WWOX: variants seen among roughly 807,000 people sequenced by gnomAD.
The protein encoded by WWOX is WW domain containing oxidoreductase, also known as WW domain-containing oxidoreductase.
Under a neutral mutation model 46.2 loss-of-function variants are expected in WWOX, and 69 were observed. The ratio of observed to expected loss-of-function variants is 1.49; its 90% CI spans 1.23 to 1.82. The LOEUF (loss-of-function observed/expected upper bound fraction) is 1.82. WWOX is among the 40% of genes most tolerant of loss of function. The pLI, the probability that WWOX is intolerant of heterozygous loss-of-function variation, is 0.00. For synonymous variants in WWOX, 359 were observed against 202.6 expected (o/e 1.77, Z -6.56); for missense variants, 919 against 542.6 (o/e 1.69, Z -6.89).
chr16:78,936,094 T>C (rs1316577256), intron 8 of WWOX, among the ~76,000 whole-genome samples: 2 of 151,972 alleles, frequency 1.3e-5, no homozygotes, highest in South Asian at 2.1e-4. Flanking sequence ...TTGGTTGTGA[T>C]TGAAAGGAAA....
At chr16:78,151,957 G>A (rs1395179851) in intron 4 of WWOX, among the ~76,000 whole-genome samples, 1 of 152,146 alleles carries the variant, frequency 6.6e-6, no homozygotes, top group Non-Finnish European at 1.5e-5. Flanking sequence ...TTGGGAGGCC[G>A]AGGCGGGCAG....
At chr16:78,593,215 T>G (rs527450967) in intron 8 of WWOX, among the ~76,000 whole-genome samples, 349 of 151,868 alleles carry the variant, frequency 2.3e-3, no homozygotes, top group Middle Eastern at 0.01. Context: ...TGATTTTTTT[T>G]TTATGTGTAT....
chr16:79,149,085 G>A (rs1234578357), intron 8 of WWOX, among the ~76,000 whole-genome samples: 1 of 152,156 alleles, frequency 6.6e-6, no homozygotes, highest in African/African-American at 2.4e-5. Flanking sequence ...CAAGAGTAGT[G>A]AGAACATCCT....
At chr16:78,873,743 T>G (rs553458971) in intron 8 of WWOX, among the ~76,000 whole-genome samples, 2 of 152,280 alleles carry the variant, frequency 1.3e-5, no homozygotes, top group South Asian at 4.1e-4. Context: ...GAGCTGTTAT[T>G]GTACCACTGT....
intron 8 of WWOX, among the ~76,000 whole-genome samples, chr16:78,640,049 A>T (rs144111246): frequency 0.018 from 2,700 of 152,210 alleles, 230 homozygotes; most frequent in Admixed American, 0.15. Context: ...ACACAGCAAC[A>T]CCAGGCAGAT....
chr16:78,922,138 G>A (rs977696222), intron 8 of WWOX, among the ~76,000 whole-genome samples: 1 of 152,124 alleles, frequency 6.6e-6, no homozygotes, highest in African/African-American at 2.4e-5. Flanking sequence ...GCGTAGGTGT[G>A]ATTGGGTGAT....
chr16:78,356,769 C>G (rs773280064), intron 5 of WWOX, among the ~76,000 whole-genome samples: 1 of 152,016 alleles, frequency 6.6e-6, no homozygotes, highest in African/African-American at 2.4e-5. Context: ...GTAATCCCAG[C>G]GACTCGGGAG....
chr16:78,920,378 G>A (rs1478353779), intron 8 of WWOX, among the ~76,000 whole-genome samples: 1 of 152,172 alleles, frequency 6.6e-6, no homozygotes. Flanking sequence ...CAGATGTGAT[G>A]CTTTCCTCCT....
At chr16:78,440,425 G>C (rs1193637998) in intron 8 of WWOX, among the ~76,000 whole-genome samples, 1 of 152,048 alleles carries the variant, frequency 6.6e-6, no homozygotes, top group Non-Finnish European at 1.5e-5. Context: ...CACACGTCAA[G>C]GAAGCAGTTT....
At chr16:78,325,205 C>T (rs2080585720) in intron 5 of WWOX, among the ~76,000 whole-genome samples, 1 of 152,226 alleles carries the variant, frequency 6.6e-6, no homozygotes, top group Admixed American at 6.5e-5. Context: ...CAAATGTTTA[C>T]AAGCTCTAAT....
intron 8 of WWOX, among the ~76,000 whole-genome samples, chr16:78,780,984 C>G (rs778161904): frequency 1.3e-5 from 2 of 152,172 alleles, no homozygotes; most frequent in East Asian, 1.9e-4. Flanking sequence ...AGCCTGCAGA[C>G]TGGTGTGGCC....
At chr16:78,636,702 A>G (rs534911283) in intron 8 of WWOX, among the ~76,000 whole-genome samples, 2 of 152,302 alleles carry the variant, frequency 1.3e-5, no homozygotes, top group African/African-American at 4.8e-5. Context: ...AGGTGTGTGA[A>G]CAAAAACAGG....
chr16:79,059,729 A>T (rs1443944675), intron 8 of WWOX, among the ~76,000 whole-genome samples: 1 of 152,180 alleles, frequency 6.6e-6, no homozygotes, highest in Non-Finnish European at 1.5e-5. Context: ...TTTTACTAAG[A>T]AATTTGGAGG....
At position 78,651,587 on chromosome 16, in the gene WWOX, G is replaced by A. The variant is rs78217264; in HGVS notation, c.1056+218835G>A. Among the ~76,000 whole-genome samples, 166 of 152,248 alleles carry A rather than the reference G, an allele frequency of 1.1e-3. 2 individuals are homozygous for A. The East Asian group carries it at 0.023, about 21-fold the overall frequency. ...GCCTTTACCTGTTCCATGCTTAGCCGTTCCTGCTTTTTGCCTAGAACCTCA... is the reference window on the plus strand; with the variant it reads ...GCCTTTACCTGTTCCATGCTTAGCCATTCCTGCTTTTTGCCTAGAACCTCA... On this transcript the variant is annotated intron_variant, in intron 8 of 8. Coordinates refer to ENST00000566780, the MANE Select transcript of WWOX (RefSeq NM_016373.4).
chr16:78,522,662 T>A (rs1175662613), intron 8 of WWOX, among the ~76,000 whole-genome samples: 1 of 152,242 alleles, frequency 6.6e-6, no homozygotes, highest in African/African-American at 2.4e-5. Flanking sequence ...AATAAGTAAT[T>A]GAGCAGATGA....
intron 8 of WWOX, among the ~76,000 whole-genome samples, chr16:78,925,698 G>C (rs2045481906): frequency 6.6e-6 from 1 of 152,206 alleles, no homozygotes; most frequent in Admixed American, 6.5e-5. Flanking sequence ...GATTTGAGAA[G>C]GGAAGTCTCC....
At chr16:79,073,043 C>T (rs933434875) in intron 8 of WWOX, among the ~76,000 whole-genome samples, 1 of 152,074 alleles carries the variant, frequency 6.6e-6, no homozygotes, top group African/African-American at 2.4e-5. Context: ...GTGTGCTAGC[C>T]TCAGTGAGAG....
At chr16:78,519,608 A>C (rs2043306969) in intron 8 of WWOX, among the ~76,000 whole-genome samples, 1 of 152,064 alleles carries the variant, frequency 6.6e-6, no homozygotes, top group Non-Finnish European at 1.5e-5. Context: ...CCTAATCCTC[A>C]AGGTCGTGAC....
intron 5 of WWOX, among the ~76,000 whole-genome samples, chr16:78,368,998 C>A (rs2081602063): frequency 6.6e-6 from 1 of 152,120 alleles, no homozygotes; most frequent in Admixed American, 6.5e-5. Context: ...CCCCATCTCC[C>A]CTTCTTATCT....
Sources: gnomAD v4.1 joint callset for allele counts (sites outside exome capture counted in the v4.1 genomes callset) on GRCh38, gnomAD v4.1.1 for gene constraint, MANE v1.5 for transcripts, NCBI Gene and HGNC (gene_info 2026-07-23, HGNC 2026-07-21) for gene names.